The following RNF150 variants were observed in gnomAD, a reference collection of about 807,000 sequenced individuals.
RNF150 encodes the protein ring finger protein 150.
Under a neutral mutation model 39.3 loss-of-function variants are expected in RNF150, and 24 were observed. The observed-to-expected ratio is 0.61, with a 90% CI of 0.44 to 0.86. RNF150 has a LOEUF of 0.86. RNF150 is among the 40% of genes least tolerant of loss of function. The pLI, the probability that RNF150 is intolerant of heterozygous loss-of-function variation, is 0.00. For synonymous variants in RNF150, 255 were observed against 227.3 expected (o/e 1.12, Z -1.10); for missense variants, 502 against 587.8 (o/e 0.85, Z 1.51).
At chr4:140,962,375 A>T (rs1733073856) in intron 2 of RNF150, among the ~76,000 whole-genome samples, 1 of 151,742 alleles carries the variant, frequency 6.6e-6, no homozygotes, top group African/African-American at 2.4e-5. Context: ...GTGCATATAT[A>T]AGACATATAT....
chr4:140,922,688 C>T (rs940230460), intron 5 of RNF150, among the ~76,000 whole-genome samples: 4 of 152,070 alleles, frequency 2.6e-5, no homozygotes, highest in African/African-American at 9.7e-5. Flanking sequence ...AAGAACAAAG[C>T]TGGAGGCATC....
intron 6 of RNF150, among the ~76,000 whole-genome samples, chr4:140,898,344 A>G (rs1730038236): frequency 6.6e-6 from 1 of 151,072 alleles, no homozygotes; most frequent in Non-Finnish European, 1.5e-5. Context: ...CATTTCTAGG[A>G]GTAATCAGGA....
chr4:140,932,557 A>G (rs1731688458), intron 4 of RNF150, among the ~76,000 whole-genome samples: 1 of 152,198 alleles, frequency 6.6e-6, no homozygotes, highest in South Asian at 2.1e-4. Flanking sequence ...AAGCTGTCAC[A>G]GGTAAGGGGG....
At chr4:141,005,013 G>A (rs1282549846) in intron 1 of RNF150, among the ~76,000 whole-genome samples, 3 of 152,180 alleles carry the variant, frequency 2.0e-5, no homozygotes, top group Non-Finnish European at 4.4e-5. Flanking sequence ...GAGCGTTGGG[G>A]AGAAGTGGGG....
At chr4:140,933,187 A>G (rs1731717471) in intron 4 of RNF150, among the ~76,000 whole-genome samples, 1 of 152,236 alleles carries the variant, frequency 6.6e-6, no homozygotes, top group Non-Finnish European at 1.5e-5. Context: ...CTGCTACTGA[A>G]TTCAGCGAAG....
intron 1 of RNF150, among the ~76,000 whole-genome samples, chr4:140,979,146 A>T (rs1308620249): frequency 6.6e-6 from 1 of 152,088 alleles, no homozygotes; most frequent in Non-Finnish European, 1.5e-5. Flanking sequence ...TGCAGGTTTC[A>T]CATCTCAGGA....
At position 140,868,041 on chromosome 4, in the gene RNF150, A is replaced by G; in HGVS notation, c.*220T>C. 1 of 490,322 alleles carries G rather than the reference A, an allele frequency of 2.0e-6. No homozygotes were observed. Among genetic ancestry groups the G allele is most frequent in the Non-Finnish European group, 3.6e-6 (1 of 278,272 alleles). 30.4% of individuals were successfully genotyped at this position (490,322 alleles called of 1,614,324 possible). A position where few individuals can be genotyped will look rare whatever the true frequency, so the allele number is the denominator to read the frequency against. On this transcript the variant is annotated 3_prime_UTR_variant, in exon 7 of 7. Transcript: ENST00000515673. Reference sequence around the variant, plus strand: ...ACATAGGAGTGGAAATCAGCTTTCAACTTCCCAGCTGCCAAGGCCACAGAC... The same window carrying G: ...ACATAGGAGTGGAAATCAGCTTTCAGCTTCCCAGCTGCCAAGGCCACAGAC...
At chr4:141,166,182 A>G (rs1429489037) in intron 1 of RNF150, among the ~76,000 whole-genome samples, 1 of 152,244 alleles carries the variant, frequency 6.6e-6, no homozygotes, top group Non-Finnish European at 1.5e-5. Context: ...CTCTATGCAA[A>G]TAAACTAGGA....
chr4:141,190,421 G>A (rs1728091027), intron 1 of RNF150, among the ~76,000 whole-genome samples: 1 of 152,194 alleles, frequency 6.6e-6, no homozygotes, highest in Non-Finnish European at 1.5e-5. Context: ...AGATAGTCAT[G>A]TGTCTGTGAC....
At chr4:141,209,928 T>A (rs746982770) in intron 1 of RNF150, among the ~76,000 whole-genome samples, 1 of 152,168 alleles carries the variant, frequency 6.6e-6, no homozygotes, top group Non-Finnish European at 1.5e-5. Flanking sequence ...TAAACAAGGA[T>A]GCTCTGTGTC....
At chr4:141,141,073 G>A (rs1388934018) in intron 1 of RNF150, among the ~76,000 whole-genome samples, 1 of 152,156 alleles carries the variant, frequency 6.6e-6, no homozygotes, top group Non-Finnish European at 1.5e-5. Context: ...CAAGACTACA[G>A]CATTAATGTA....
chr4:141,086,068 A>ACACACC (rs1160014738), intron 1 of RNF150, among the ~76,000 whole-genome samples: 1 of 141,720 alleles, frequency 7.1e-6, no homozygotes, highest in South Asian at 2.3e-4. Context: ...ACACACACAC[A>ACACACC]CCCTTCTAGG....
At chr4:141,029,754 A>G (rs1265438107) in intron 1 of RNF150, among the ~76,000 whole-genome samples, 1 of 152,258 alleles carries the variant, frequency 6.6e-6, no homozygotes, top group East Asian at 1.9e-4. Flanking sequence ...AATGTGAGAA[A>G]ATATTTGCAA....
chr4:140,916,582 T>G (rs1730840399), intron 5 of RNF150, among the ~76,000 whole-genome samples: 1 of 152,140 alleles, frequency 6.6e-6, no homozygotes, highest in Admixed American at 6.5e-5. Flanking sequence ...TACCTGAAAG[T>G]GACGGGGAGA....
chr4:141,123,847 C>T (rs982541795), intron 1 of RNF150, among the ~76,000 whole-genome samples: 2 of 152,188 alleles, frequency 1.3e-5, no homozygotes, highest in African/African-American at 4.8e-5. Flanking sequence ...TGATGGTTTC[C>T]AGCTTCATCC....
At chr4:141,033,286 A>G (rs1560699998) in intron 1 of RNF150, among the ~76,000 whole-genome samples, 1 of 152,198 alleles carries the variant, frequency 6.6e-6, no homozygotes, top group Non-Finnish European at 1.5e-5. Context: ...CACTTTCTTT[A>G]CACATTCAAA....
At chr4:141,198,350 T>A (rs1728239479) in intron 1 of RNF150, among the ~76,000 whole-genome samples, 1 of 152,190 alleles carries the variant, frequency 6.6e-6, no homozygotes, top group South Asian at 2.1e-4. Context: ...TTTATTTGTC[T>A]CTTTTCATAG....
intron 1 of RNF150, among the ~76,000 whole-genome samples, chr4:140,993,063 G>A (rs1734251638): frequency 6.6e-6 from 1 of 152,130 alleles, no homozygotes; most frequent in Admixed American, 6.6e-5. Context: ...CGTCTTGGTG[G>A]ATGCATTGGT....
chr4:141,204,145 T>C (rs1728338237), intron 1 of RNF150, among the ~76,000 whole-genome samples: 1 of 152,166 alleles, frequency 6.6e-6, no homozygotes, highest in East Asian at 1.9e-4. Context: ...ATAATTGATA[T>C]GAATAGGCTG....
Sources: gnomAD v4.1 joint callset for allele counts (sites outside exome capture counted in the v4.1 genomes callset) on GRCh38, gnomAD v4.1.1 for gene constraint, MANE v1.5 for transcripts, NCBI Gene and HGNC (gene_info 2026-07-23, HGNC 2026-07-21) for gene names.